Variants in SVIL observed in about 807,000 individuals in gnomAD.
SVIL encodes the protein supervillin.
In SVIL, 101 loss-of-function variants were observed where a neutral mutation model predicts 240.4. The observed-to-expected ratio is 0.42, with a 90% confidence interval of 0.36 to 0.50. SVIL has a LOEUF of 0.50. Among genes scored for constraint, SVIL ranks in the 20% least tolerant of loss-of-function variants. The pLI is 0.01. For synonymous variants in SVIL, 999 were observed against 1,100.0 expected, an observed-to-expected ratio of 0.91 and a Z score of 1.82; for missense variants, 2,512 against 2,818.7, an observed-to-expected ratio of 0.89 and a Z score of 2.46.
rs17174219 is a variant in SVIL, at chr10:29,612,200, G to C, written c.-201+22220C>G. 7.7e-3 allele frequency among the ~76,000 whole-genome samples: 1,169 copies of C among 152,264 alleles called. 10 individuals carry two copies. Among genetic ancestry groups the C allele is most frequent in the African/African-American group, 0.023 (960 of 41,522 alleles). On this transcript the variant is annotated intron_variant, in intron 1 of 37. Transcript: ENST00000355867. ...CCAGGTGGTGAGGTCATTCGAGCAA[G>C]GGTCCCAGGGAATAGGAGGAGCATG... is the stretch of plus-strand genomic sequence containing the variant.
At chr10:29,550,280 A>C (rs1953169729) in intron 6 of SVIL, among the ~76,000 whole-genome samples, 2 of 151,866 alleles carry the variant, frequency 1.3e-5, no homozygotes, top group Admixed American at 6.6e-5. Flanking sequence ...CTACAAAAAA[A>C]AAAATGTAAA....
chr10:29,663,409 GAC>G (rs1959180434), intron 2 of SVIL, among the ~76,000 whole-genome samples: 1 of 151,830 alleles, frequency 6.6e-6, no homozygotes, highest in Non-Finnish European at 1.5e-5. Flanking sequence ...TTTCTTTTGA[GAC>G]ACAGTCTCCC....
intron 3 of SVIL, among the ~76,000 whole-genome samples, chr10:29,656,727 G>C (rs375820325): frequency 9.2e-5 from 14 of 152,190 alleles, no homozygotes; most frequent in African/African-American, 2.9e-4. Flanking sequence ...GCCAGTTTTG[G>C]TCAGTCAGAG....
intron 2 of SVIL, among the ~76,000 whole-genome samples, chr10:29,662,702 G>A (rs1302506167): frequency 1.3e-5 from 2 of 152,208 alleles, no homozygotes; most frequent in African/African-American, 4.8e-5. Context: ...TGTGAGGCAA[G>A]TTAGAAGCAA....
At chr10:29,611,340 T>C (rs1480020271) in intron 1 of SVIL, among the ~76,000 whole-genome samples, 2 of 151,954 alleles carry the variant, frequency 1.3e-5, no homozygotes, top group African/African-American at 2.4e-5. Flanking sequence ...GTTTTAAACA[T>C]AAGGACTGGA....
chr10:29,569,958 G>A (rs1343283990), intron 1 of SVIL, among the ~76,000 whole-genome samples: 1 of 152,220 alleles, frequency 6.6e-6, no homozygotes, highest in African/African-American at 2.4e-5. Flanking sequence ...TTTATAACCA[G>A]TCTAATGGCA....
rs541630783 is a variant in SVIL, at chr10:29,523,533, T to C, written c.3081A>G (p.Gly1027=). 1 of 1,614,198 alleles carries C rather than the reference T, an allele frequency of 6.2e-7. No individual in the cohort carries two copies. The highest frequency in any genetic ancestry group is 1.7e-5 in the Admixed American group (1 of 60,020). ...EFSMAKMNAQ[G]NLDLRDRLPF... ...GCAGCCTGTCCCTCAAGTCCAAGTT[T>C]CCTTGTGCATTCATTTTAGCCATGG... The change falls in exon 15 of 38, where the codon GGA becomes GGG. Residue 1027 remains glycine, a synonymous_variant. Coordinates refer to ENST00000355867, the MANE Select transcript of SVIL (RefSeq NM_021738.3).
intron 6 of SVIL, among the ~76,000 whole-genome samples, chr10:29,541,182 C>G (rs561581398): frequency 6.6e-6 from 1 of 152,100 alleles, no homozygotes; most frequent in Non-Finnish European, 1.5e-5. Context: ...CTAAATGTTA[C>G]GCTTAATTAT....
rs141401027 is a variant in SVIL at position 29,533,018 on chromosome 10, T to A, written c.1349A>T (p.Glu450Val). 4.2e-5 allele frequency: 67 copies of A among 1,614,144 alleles called. No homozygotes were observed. The highest frequency in any genetic ancestry group is 3.3e-4 in the African/African-American group (25 of 75,062). The change falls in exon 8 of 38, where the codon GAG (glutamate) becomes GTG (valine). Residue 450 changes from glutamate (E) to valine (V), a missense_variant. Transcript: ENST00000355867. ...EEDVCFTEAL[E>V]QSKKTLLALE... Reference sequence around the variant, plus strand: ...AGCCAGTAGGGTTTTCTTGCTTTGCTCGAGAGCTTCAGTGAAGCACACATC... The same window carrying A: ...AGCCAGTAGGGTTTTCTTGCTTTGCACGAGAGCTTCAGTGAAGCACACATC...
chr10:29,698,648 A>AAAAAAT (rs1278803460), intron 1 of SVIL, among the ~76,000 whole-genome samples: 33 of 151,972 alleles, frequency 2.2e-4, no homozygotes, highest in African/African-American at 7.9e-4. Context: ...TATAATCTAA[A>AAAAAAT]AAAAATAAAA....
chr10:29,705,016 C>G (rs1366073307), intron 1 of SVIL, among the ~76,000 whole-genome samples: 2 of 152,140 alleles, frequency 1.3e-5, no homozygotes, highest in Admixed American at 1.3e-4. Context: ...ATTTTTAAAG[C>G]AGGGTATTAA....
rs750549781 is a variant in SVIL at position 29,487,256 on chromosome 10, C to T, written c.4392G>A (p.Ser1464=). The change falls in exon 24 of 38, where the codon TCG becomes TCA. Residue 1464 remains serine (S), a synonymous_variant. Transcript: ENST00000355867. ...VQTRLVEPRA[S]ALNSGDCFLL... ...GGAAGCAGTCCCCACTGTTGAGCGC[C>T]GAAGCTCGAGGTTCCACCAGCCTGG... 1.7e-5 allele frequency: 28 copies of T among 1,613,990 alleles called. No individual in the cohort carries two copies. The East Asian group carries it at 3.8e-4, about 22-fold the overall frequency.
intron 17 of SVIL, among the ~76,000 whole-genome samples, chr10:29,510,617 G>A (rs902632974): frequency 1.3e-5 from 2 of 151,984 alleles, no homozygotes; most frequent in African/African-American, 4.8e-5. Flanking sequence ...TCCGGCACCT[G>A]CTCTCCTGGG....
At position 29,512,583 on chromosome 10, in the gene SVIL, C is replaced by G. The variant is rs538320610; in HGVS notation, c.3516+152G>C. 5 of 1,287,834 alleles carry G rather than the reference C, an allele frequency of 3.9e-6. No homozygotes were observed. The African/African-American group carries it at 7.4e-5, about 19-fold the overall frequency. 79.8% of individuals were successfully genotyped at this position (1,287,834 alleles called of 1,614,324 possible). Reference sequence around the variant, plus strand: ...GGCACAGCCTTCTGCCCAATTTTAGCTGCTCTGTGACAGACTCTCAGTGTG... The same window carrying G: ...GGCACAGCCTTCTGCCCAATTTTAGGTGCTCTGTGACAGACTCTCAGTGTG... On this transcript the variant is annotated intron_variant, in intron 17 of 37. Coordinates refer to ENST00000355867, the MANE Select transcript of SVIL (RefSeq NM_021738.3).
intron 3 of SVIL, among the ~76,000 whole-genome samples, chr10:29,650,438 T>C (rs1022691085): frequency 6.6e-5 from 10 of 152,168 alleles, no homozygotes; most frequent in African/African-American, 1.9e-4. Flanking sequence ...CAGGAACTGC[T>C]ACAGTCTCAG....
chr10:29,665,429 T>C (rs1410718512), intron 2 of SVIL, among the ~76,000 whole-genome samples: 1 of 152,028 alleles, frequency 6.6e-6, no homozygotes, highest in Non-Finnish European at 1.5e-5. Context: ...TAGGTGCACA[T>C]TTTCATGAAA....
chr10:29,627,846 C>T (rs1957933242), intron 1 of SVIL, among the ~76,000 whole-genome samples: 1 of 152,156 alleles, frequency 6.6e-6, no homozygotes, highest in South Asian at 2.1e-4. Flanking sequence ...TTCAGCACTT[C>T]CAATAAAAAA....
At chr10:29,523,019 T>G (rs1029490439) in intron 15 of SVIL, among the ~76,000 whole-genome samples, 13 of 152,194 alleles carry the variant, frequency 8.5e-5, no homozygotes, top group Non-Finnish European at 1.9e-4. Context: ...AGAAAGAGGA[T>G]GAAGGGCCCA....
At chr10:29,513,983 T>TA (rs35208566) in intron 16 of SVIL, among the ~76,000 whole-genome samples, 148 of 127,106 alleles carry the variant, frequency 1.2e-3, no homozygotes, top group East Asian at 2.4e-3. Flanking sequence ...AGATAAAAGG[T>TA]AAAAAAAAAA....
Sources: allele counts gnomAD v4.1 joint callset (sites outside exome capture counted in the v4.1 genomes callset), GRCh38; gene constraint gnomAD v4.1.1; transcripts MANE v1.5; gene names NCBI Gene and HGNC (gene_info 2026-07-23, HGNC 2026-07-21).